EPHA6: variants seen among roughly 807,000 people sequenced by gnomAD.
EPHA6 encodes the protein EPH receptor A6, also known as ephrin type-A receptor 6.
In EPHA6, 50 loss-of-function variants were observed where a neutral mutation model predicts 112.0. The observed-to-expected ratio is 0.45, with a 90% CI of 0.36 to 0.56. The LOEUF is 0.56. Among genes scored for constraint, EPHA6 ranks in the 20% least tolerant of loss-of-function variants. EPHA6 has a pLI of 0.00. For synonymous variants in EPHA6, 529 were observed against 490.7 expected (o/e 1.08, Z -1.03); for missense variants, 1,280 against 1,417.4 (o/e 0.90, Z 1.56).
intron 5 of EPHA6, among the ~76,000 whole-genome samples, chr3:97,340,609 C>A (rs955393346): frequency 6.6e-6 from 1 of 152,172 alleles, no homozygotes; most frequent in African/African-American, 2.4e-5. Context: ...ATACTCCAGT[C>A]TGGGTGGCTA....
At chr3:97,005,277 T>G (rs1398926684) in intron 3 of EPHA6, among the ~76,000 whole-genome samples, 2 of 152,080 alleles carry the variant, frequency 1.3e-5, no homozygotes, top group African/African-American at 2.4e-5. Flanking sequence ...TTGTTTATGT[T>G]CTCTCTTATT....
At chr3:97,578,606 G>A (rs1412896633) in intron 11 of EPHA6, among the ~76,000 whole-genome samples, 1 of 152,200 alleles carries the variant, frequency 6.6e-6, no homozygotes, top group Admixed American at 6.5e-5. Flanking sequence ...ATGACTAGAG[G>A]TATAGGACTT....
intron 5 of EPHA6, among the ~76,000 whole-genome samples, chr3:97,307,440 A>G (rs1428578753): frequency 2.0e-5 from 3 of 151,814 alleles, no homozygotes; most frequent in East Asian, 1.9e-4. Context: ...AGAATGTGTC[A>G]TTGGGCTATT....
At chr3:97,665,644 T>C (rs167306) in intron 14 of EPHA6, among the ~76,000 whole-genome samples, 37,263 of 152,102 alleles carry the variant, frequency 0.24, 4,925 homozygotes, top group East Asian at 0.41. Flanking sequence ...CTACCAATTA[T>C]TCCACTTCTC....
chr3:96,968,388 GCACACA>G (rs148279577), intron 2 of EPHA6, among the ~76,000 whole-genome samples: 6,752 of 143,588 alleles, frequency 0.047, 479 homozygotes, highest in African/African-American at 0.15. Flanking sequence ...AATGGTAAAA[GCACACA>G]CACACACACA....
intron 3 of EPHA6, among the ~76,000 whole-genome samples, chr3:97,174,257 T>G (rs1055464518): frequency 2.0e-5 from 3 of 151,874 alleles, no homozygotes; most frequent in African/African-American, 7.2e-5. Flanking sequence ...GAATAGTACT[T>G]CATTGTGTAT....
intron 3 of EPHA6, among the ~76,000 whole-genome samples, chr3:97,214,578 A>G (rs1331588547): frequency 6.6e-6 from 1 of 151,598 alleles, no homozygotes; most frequent in Non-Finnish European, 1.5e-5. Flanking sequence ...CTAAAAATTT[A>G]CTTTGATTTT....
chr3:97,626,173 C>T (rs1008616107), intron 13 of EPHA6, among the ~76,000 whole-genome samples: 2 of 151,666 alleles, frequency 1.3e-5, no homozygotes, highest in African/African-American at 4.8e-5. Flanking sequence ...AAATCTTCAT[C>T]AAAGTTATTA....
rs78430765 is a variant in EPHA6 at position 96,825,411 on chromosome 3, A to G, written c.385+10403A>G. Among the ~76,000 whole-genome samples the G allele has an allele frequency of 2.2e-3, 339 of 152,022 alleles. 1 individual carries two copies. Among genetic ancestry groups the G allele is most frequent in the African/African-American group, 7.8e-3 (326 of 41,534 alleles). On this transcript the variant is annotated intron_variant, in intron 1 of 17. Transcript: ENST00000389672. ...GATTATTTTACCTTTAGATGAACAT[A>G]AAATTGACAGTACATGTATGGTTTA... is the stretch of plus-strand genomic sequence containing the variant.
rs113242601 is a variant in EPHA6, at chr3:97,666,432, C to T, written c.2784+28350C>T. Among the ~76,000 whole-genome samples the T allele has an allele frequency of 2.1e-3, 324 of 152,286 alleles. 1 individual carries two copies. The highest frequency in any genetic ancestry group is 4.1e-3 in the Non-Finnish European group (282 of 68,026). ...ATCAAGGCCTCTACAGGCTTGGTTT[C>T]TTCTGAAAGTTGTGAAAGATAATCT... On this transcript the variant is annotated intron_variant, in intron 14 of 17. Transcript: ENST00000389672.
chr3:97,338,087 T>C (rs901906782), intron 5 of EPHA6, among the ~76,000 whole-genome samples: 3 of 151,966 alleles, frequency 2.0e-5, no homozygotes, highest in Non-Finnish European at 4.4e-5. Context: ...TGGTTGTGTG[T>C]GTGTGCGTGT....
At chr3:96,944,768 C>T (rs970180571) in intron 2 of EPHA6, among the ~76,000 whole-genome samples, 2 of 152,090 alleles carry the variant, frequency 1.3e-5, no homozygotes, top group South Asian at 2.1e-4. Context: ...GGTGAAACCC[C>T]GTCTCTACTA....
intron 2 of EPHA6, among the ~76,000 whole-genome samples, chr3:96,874,475 G>A (rs2036829804): frequency 6.6e-6 from 1 of 152,050 alleles, no homozygotes; most frequent in Admixed American, 6.6e-5. Flanking sequence ...CTAATTAAGT[G>A]TAAAATATGG....
At chr3:97,719,712 G>A (rs1271223805) in intron 14 of EPHA6, among the ~76,000 whole-genome samples, 5 of 152,106 alleles carry the variant, frequency 3.3e-5, no homozygotes, top group South Asian at 2.1e-4. Flanking sequence ...TTCAAGGTGC[G>A]CTTATATACT....
chr3:97,027,794 C>A (rs149564834), intron 3 of EPHA6, among the ~76,000 whole-genome samples: 1 of 152,046 alleles, frequency 6.6e-6, no homozygotes, highest in Non-Finnish European at 1.5e-5. Context: ...TATTAACATC[C>A]CTTTGTGGCC....
At chr3:97,677,110 T>C (rs1288865585) in intron 14 of EPHA6, among the ~76,000 whole-genome samples, 3 of 152,164 alleles carry the variant, frequency 2.0e-5, no homozygotes, top group Non-Finnish European at 4.4e-5. Context: ...TTAGGAATGT[T>C]TGGAAAAGCT....
chr3:96,839,210 G>A (rs529124681), intron 1 of EPHA6, among the ~76,000 whole-genome samples: 1 of 152,010 alleles, frequency 6.6e-6, no homozygotes, highest in Non-Finnish European at 1.5e-5. Flanking sequence ...TCTAGGAACC[G>A]GGCTGCATAG....
At chr3:97,040,426 C>T (rs2045271515) in intron 3 of EPHA6, among the ~76,000 whole-genome samples, 1 of 151,876 alleles carries the variant, frequency 6.6e-6, no homozygotes, top group South Asian at 2.1e-4. Context: ...ATATCAAAAT[C>T]GGTTTTAAAA....
At chr3:97,584,938 T>C (rs551462224) in intron 11 of EPHA6, among the ~76,000 whole-genome samples, 1 of 152,342 alleles carries the variant, frequency 6.6e-6, no homozygotes, top group Admixed American at 6.5e-5. Context: ...ATTAATCAGT[T>C]AGTGAATGGT....
Sources: gnomAD v4.1 joint callset for allele counts (sites outside exome capture counted in the v4.1 genomes callset) on GRCh38, gnomAD v4.1.1 for gene constraint, MANE v1.5 for transcripts, NCBI Gene and HGNC (gene_info 2026-07-23, HGNC 2026-07-21) for gene names.